The following KHDC1 variants were observed in gnomAD, a reference collection of about 807,000 sequenced individuals.
The protein encoded by KHDC1 is KH domain containing 1.
In KHDC1, 21 loss-of-function variants were observed where a neutral mutation model predicts 24.7. The ratio of observed to expected loss-of-function variants is 0.85; its 90% CI spans 0.60 to 1.23. KHDC1 has a LOEUF of 1.23. Ranked by LOEUF, KHDC1 falls within the 50% of genes most tolerant of loss-of-function variation. KHDC1 has a pLI of 0.00. For missense variants in KHDC1, 274 were observed against 298.5 expected, an observed-to-expected ratio of 0.92 and a Z score of 0.61; for synonymous variants, 98 against 111.7, an observed-to-expected ratio of 0.88 and a Z score of 0.77.
chr6:73,306,992 G>A (rs550815573), intron 1 of KHDC1, among the ~76,000 whole-genome samples: 26 of 150,892 alleles, frequency 1.7e-4, no homozygotes, highest in African/African-American at 5.6e-4. Context: ...CTGGGTGACA[G>A]ACCAGGAAGA....
At chr6:73,291,190 G>A in intron 2 of KHDC1, 1 of 477,394 alleles carries the variant, frequency 2.1e-6, no homozygotes, top group Non-Finnish European at 4.2e-6. Flanking sequence ...GGAGCACTTA[G>A]CCTACCATGA....
intron 2 of KHDC1, among the ~76,000 whole-genome samples, chr6:73,252,485 A>G (rs1766798938): frequency 6.6e-6 from 1 of 152,110 alleles, no homozygotes; most frequent in South Asian, 2.1e-4. Context: ...TAAATATTTT[A>G]TACTCTGTGG....
At chr6:73,292,207 A>G (rs55810380) in intron 1 of KHDC1, 112,843 of 1,447,516 alleles carry the variant, frequency 0.078, 4,964 homozygotes, top group Non-Finnish European at 0.083. Context: ...CACAACTGAA[A>G]CAGCTTCAGG....
intron 2 of KHDC1, chr6:73,268,603 C>T (rs1183478562): frequency 6.6e-6 from 1 of 152,304 alleles, no homozygotes; most frequent in Non-Finnish European, 1.5e-5. Context: ...TAAAGGTTCT[C>T]CGGGTCCCCA....
intron 1 of KHDC1, among the ~76,000 whole-genome samples, chr6:73,297,994 C>T (rs1377630529): frequency 6.6e-6 from 1 of 151,992 alleles, no homozygotes. Context: ...AGTTTGAGAC[C>T]AGCCTCGCCA....
At chr6:73,283,148 CTT>C (rs1193757497) in intron 2 of KHDC1, among the ~76,000 whole-genome samples, 1 of 152,254 alleles carries the variant, frequency 6.6e-6, no homozygotes, top group East Asian at 1.9e-4. Context: ...TTATTGTAAT[CTT>C]TTGAAGGAAG....
intron 2 of KHDC1, among the ~76,000 whole-genome samples, chr6:73,282,711 G>A (rs749519133): frequency 2.6e-5 from 4 of 152,212 alleles, no homozygotes; most frequent in African/African-American, 4.8e-5. Flanking sequence ...CACCCAGATC[G>A]ATAAACTGGC....
At chr6:73,282,239 C>T (rs978638309) in intron 2 of KHDC1, among the ~76,000 whole-genome samples, 1 of 150,952 alleles carries the variant, frequency 6.6e-6, no homozygotes, top group African/African-American at 2.4e-5. Flanking sequence ...AAAAAAGATG[C>T]CACTCTAGTG....
chr6:73,250,602 C>T (rs1318999928), intron 2 of KHDC1, among the ~76,000 whole-genome samples: 1 of 152,218 alleles, frequency 6.6e-6, no homozygotes, highest in Non-Finnish European at 1.5e-5. Flanking sequence ...TTATTAGCAT[C>T]CAACTGGACC....
At chr6:73,292,675 C>T in intron 1 of KHDC1, 1 of 751,400 alleles carries the variant, frequency 1.3e-6, no homozygotes, top group Non-Finnish European at 2.5e-6. Context: ...CCTTTACCAG[C>T]CACAGCATCT....
In KHDC1 at chr6:73,266,964, G is replaced by A. The variant is rs190592728; in HGVS notation, c.207-24434C>T. ...TACTATTCAGGAGGCTGAGGCAGGA[G>A]GATTGCTGAGCCCAGAAGTTCGAGA... On this transcript the variant is annotated intron_variant, in intron 2 of 4. Transcript: ENST00000370384. Among the ~76,000 whole-genome samples, 76 of 152,332 alleles carry A rather than the reference G, an allele frequency of 5.0e-4. 1 individual carries two copies. Among genetic ancestry groups the A allele is most frequent in the Admixed American group, 4.8e-3 (73 of 15,298 alleles).
chr6:73,274,718 T>C (rs965376254), intron 2 of KHDC1: 3 of 152,300 alleles, frequency 2.0e-5, no homozygotes, highest in African/African-American at 7.2e-5. Context: ...TAAACCTCTT[T>C]TCTTTGTAAG....
intron 2 of KHDC1, among the ~76,000 whole-genome samples, chr6:73,284,015 C>T (rs1767468422): frequency 6.6e-6 from 1 of 152,026 alleles, no homozygotes; most frequent in African/African-American, 2.4e-5. Flanking sequence ...TAGCCTCACT[C>T]ATTCCTGGGC....
intron 1 of KHDC1, among the ~76,000 whole-genome samples, chr6:73,309,116 T>C (rs148331474): frequency 1.8e-3 from 280 of 152,342 alleles, no homozygotes; most frequent in African/African-American, 6.4e-3. Flanking sequence ...CCAACGCGCC[T>C]GGCAGTTTGC....
intron 1 of KHDC1, among the ~76,000 whole-genome samples, chr6:73,307,298 G>A (rs1428104249): frequency 6.6e-6 from 1 of 151,810 alleles, no homozygotes; most frequent in Admixed American, 6.6e-5. Flanking sequence ...CGTGATGCCG[G>A]GCGCCTGTAA....
chr6:73,262,461 C>T (rs571977193), intron 2 of KHDC1, among the ~76,000 whole-genome samples: 4 of 152,260 alleles, frequency 2.6e-5, no homozygotes, highest in South Asian at 4.1e-4. Flanking sequence ...ACACCTCATG[C>T]GATTACTTTA....
intron 1 of KHDC1, among the ~76,000 whole-genome samples, chr6:73,308,907 C>T (rs1768025005): frequency 6.6e-6 from 1 of 152,234 alleles, no homozygotes; most frequent in Non-Finnish European, 1.5e-5. Context: ...TCTCGGCTCA[C>T]TCCAACCTCC....
At chr6:73,273,387 C>T (rs911508042) in intron 2 of KHDC1, among the ~76,000 whole-genome samples, 6 of 151,854 alleles carry the variant, frequency 4.0e-5, no homozygotes, top group Admixed American at 2.0e-4. Flanking sequence ...AGGCTGGTCT[C>T]GAACTCCTGA....
At chr6:73,269,645 C>T (rs1974368) in intron 2 of KHDC1, 41,850 of 151,698 alleles carry the variant, frequency 0.28, 6,409 homozygotes, top group African/African-American at 0.41. Flanking sequence ...TTTGAGTTTT[C>T]TTTTTTACAT....
Sources: gnomAD v4.1 joint callset for allele counts (sites outside exome capture counted in the v4.1 genomes callset) on GRCh38, gnomAD v4.1.1 for gene constraint, MANE v1.5 for transcripts, NCBI Gene and HGNC (gene_info 2026-07-23, HGNC 2026-07-21) for gene names.